The following BLTP1 variants were observed in gnomAD, a reference collection of about 807,000 sequenced individuals.
BLTP1 encodes fragile site-associated protein.
chr4:122,179,736 A>C, the BLTP1 span: 1 of 548,770 alleles, frequency 1.8e-6, no homozygotes, highest in Non-Finnish European at 2.3e-6. Flanking sequence ...ACACTTATGT[A>C]CAGAGAAACA....
chr4:122,354,052 GT>G, the BLTP1 span: 2 of 1,588,372 alleles, frequency 1.3e-6, no homozygotes, highest in African/African-American at 2.7e-5. Flanking sequence ...GATTTATTTT[GT>G]TTTTTCCATT....
the BLTP1 span, chr4:122,300,045 A>G: frequency 1.5e-6 from 1 of 653,470 alleles, no homozygotes; most frequent in African/African-American, 2.0e-5. Flanking sequence ...AGTCTCTGTC[A>G]TCCAGGCTGG....
chr4:122,231,084 T>C, the BLTP1 span, among the ~76,000 whole-genome samples: 3 of 152,194 alleles, frequency 2.0e-5, no homozygotes, highest in South Asian at 2.1e-4. Flanking sequence ...TTAGATTGTT[T>C]CTAAATTTCC....
At chr4:122,191,375 G>A in the BLTP1 span, among the ~76,000 whole-genome samples, 1 of 152,016 alleles carries the variant, frequency 6.6e-6, no homozygotes, top group Admixed American at 6.6e-5. Flanking sequence ...ATTGGAGTCT[G>A]CTGTTATGAG....
At chr4:122,273,306 A>G in the BLTP1 span, 1 of 983,888 alleles carries the variant, frequency 1.0e-6, no homozygotes, top group Non-Finnish European at 1.2e-6. Flanking sequence ...TCAAAAAACT[A>G]ATTTTAAATT....
the BLTP1 span, among the ~76,000 whole-genome samples, chr4:122,217,537 G>T: frequency 6.6e-6 from 1 of 151,790 alleles, no homozygotes; most frequent in Admixed American, 6.6e-5. Flanking sequence ...CACATTTATT[G>T]ACTCATCCCT....
the BLTP1 span, chr4:122,280,190 C>T: frequency 1.0e-6 from 1 of 985,048 alleles, no homozygotes; most frequent in Non-Finnish European, 1.2e-6. Context: ...GTGCAATTGT[C>T]AGTGTTCCAT....
At chr4:122,282,821 AT>A in the BLTP1 span, among the ~76,000 whole-genome samples, 1 of 151,898 alleles carries the variant, frequency 6.6e-6, no homozygotes, top group African/African-American at 2.4e-5. Context: ...TTAACTAGGA[AT>A]TTTTTTATTT....
chr4:122,359,484 GA>G, the BLTP1 span: 1 of 1,529,540 alleles, frequency 6.5e-7, no homozygotes, highest in Non-Finnish European at 8.8e-7. Context: ...AATGAGAAAT[GA>G]AACCAATTCT....
chr4:122,237,451 A>G, the BLTP1 span: 268 of 743,418 alleles, frequency 3.6e-4, no homozygotes, highest in Non-Finnish European at 4.2e-4. Context: ...GAGGTACATC[A>G]GTGAATGAAA....
the BLTP1 span, chr4:122,207,993 A>G: frequency 1.0e-6 from 1 of 985,032 alleles, no homozygotes; most frequent in East Asian, 1.1e-4. Flanking sequence ...ACATGAATTC[A>G]AGGAGTAACC....
chr4:122,352,925 G>A, the BLTP1 span: 4 of 1,613,686 alleles, frequency 2.5e-6, no homozygotes, highest in Middle Eastern at 1.6e-4. Flanking sequence ...GCACATCATC[G>A]ACACTGGCCT....
the BLTP1 span, chr4:122,171,867 A>G: frequency 1.0e-6 from 1 of 984,976 alleles, no homozygotes; most frequent in Non-Finnish European, 1.2e-6. Flanking sequence ...TACTATGAGC[A>G]TAGGGGGGCG....
At chr4:122,287,761 G>T in the BLTP1 span, 1 of 948,944 alleles carries the variant, frequency 1.1e-6, no homozygotes. Context: ...TGGGATTTCT[G>T]TGTATGAAAA....
At chr4:122,278,446 G>C in the BLTP1 span, among the ~76,000 whole-genome samples, 1 of 152,198 alleles carries the variant, frequency 6.6e-6, no homozygotes, top group Non-Finnish European at 1.5e-5. Flanking sequence ...AATTGCTCTT[G>C]TTTGACAAGA....
the BLTP1 span, chr4:122,266,731 C>T: frequency 1.2e-5 from 17 of 1,434,908 alleles, no homozygotes; most frequent in East Asian, 5.1e-5. Flanking sequence ...GTAATTTCTA[C>T]AGTAAATGAT....
At chr4:122,254,088 C>A in the BLTP1 span, 1 of 1,026,576 alleles carries the variant, frequency 9.7e-7, no homozygotes. Context: ...AAAGACTTTC[C>A]CAGACTTGAT....
the BLTP1 span, chr4:122,350,023 C>T: frequency 1.9e-6 from 3 of 1,613,908 alleles, no homozygotes; most frequent in South Asian, 2.2e-5. Context: ...AGTTCCTTAC[C>T]TTCCGCCAAA....
At chr4:122,255,049 A>G in the BLTP1 span, 1 of 1,504,656 alleles carries the variant, frequency 6.6e-7, no homozygotes. Flanking sequence ...CAGATTTACA[A>G]GTTCTTAATT....
Sources: allele counts gnomAD v4.1 joint callset (sites outside exome capture counted in the v4.1 genomes callset), GRCh38; gene constraint gnomAD v4.1.1; transcripts MANE v1.5; gene names NCBI Gene and HGNC (gene_info 2026-07-23, HGNC 2026-07-21).